The following RAB11FIP3 variants were observed in gnomAD, a reference collection of about 807,000 sequenced individuals.
RAB11FIP3 encodes RAB11 family interacting protein 3, also known as rab11 family-interacting protein 3.
A neutral mutation model predicts 77.8 loss-of-function variants in RAB11FIP3; 17 were observed. The observed-to-expected ratio is 0.22, with a 90% confidence interval of 0.15 to 0.33. RAB11FIP3 has a LOEUF of 0.33. Among genes scored for constraint, RAB11FIP3 ranks in the 10% least tolerant of loss-of-function variants. The pLI, the probability that RAB11FIP3 is intolerant of heterozygous loss-of-function variation, is 1.00. For missense variants in RAB11FIP3, 1,005 were observed against 1,011.2 expected, an observed-to-expected ratio of 0.99 and a Z score of 0.08; for synonymous variants, 437 against 448.2, an observed-to-expected ratio of 0.98 and a Z score of 0.31.
chr16:467,455 G>C (rs2055722470), intron 2 of RAB11FIP3, among the ~76,000 whole-genome samples: 1 of 151,000 alleles, frequency 6.6e-6, no homozygotes, highest in Non-Finnish European at 1.5e-5. Context: ...AGGAGGTGCA[G>C]GGGCCTCAGG....
At chr16:434,437 AT>A (rs1227780047) in intron 1 of RAB11FIP3, among the ~76,000 whole-genome samples, 6 of 148,782 alleles carry the variant, frequency 4.0e-5, no homozygotes, top group Non-Finnish European at 8.9e-5. Context: ...TGTATACTTT[AT>A]TTTTTTGATA....
At chr16:477,762 A>C in intron 3 of RAB11FIP3, 1 of 754,070 alleles carries the variant, frequency 1.3e-6, no homozygotes, top group Non-Finnish European at 1.6e-6. Context: ...ACTTCCTTAG[A>C]TTGTAGGGGA....
intron 1 of RAB11FIP3, among the ~76,000 whole-genome samples, chr16:458,026 C>T (rs1042106583): frequency 3.9e-5 from 6 of 152,234 alleles, no homozygotes; most frequent in African/African-American, 7.2e-5. Flanking sequence ...AGGATTGGGG[C>T]GATGGCCCCG....
intron 1 of RAB11FIP3, among the ~76,000 whole-genome samples, chr16:451,878 G>T (rs192153635): frequency 6.6e-6 from 1 of 152,074 alleles, no homozygotes; most frequent in East Asian, 1.9e-4. Flanking sequence ...GCCGGGGCTC[G>T]GTGGCTCATG....
At position 471,516 on chromosome 16, in the gene RAB11FIP3, G is replaced by A. The variant is rs1314230369; in HGVS notation, c.903+127G>A. ...AGCTGGCGTGAAGGAAGGGCCTCCC[G>A]CCCTGTGTGCACCGTGGGGCTCTGT... On this transcript the variant is annotated intron_variant, in intron 3 of 13. Transcript: ENST00000262305. The surrounding 1 kb of genome is among the most constrained non-coding windows in gnomAD (Gnocchi z 4.4). 1.0e-5 allele frequency: 8 copies of A among 781,366 alleles called. No individual in the cohort carries two copies. Among genetic ancestry groups the A allele is most frequent in the African/African-American group, 3.4e-5 (2 of 58,582 alleles). The allele number at this position is 781,366 out of a possible 1,614,324, so 48.4% of individuals were successfully genotyped here.
At position 461,380 on chromosome 16, in the gene RAB11FIP3, C is replaced by G. The variant is rs2055602486; in HGVS notation, c.715-24C>G. 6.2e-7 allele frequency: 1 copy of G among 1,603,380 alleles called. No individual in the cohort carries two copies. On this transcript the variant is annotated intron_variant, in intron 1 of 13. Transcript: ENST00000262305. This position sits in a 1 kb window ranked among gnomAD's most constrained non-coding sequence, Gnocchi z 4.5. ...CCCCTGCTGTAAAGGCTTAGGGTAA[C>G]CTAGTCTCATTTGGCAATTACAGGT...
chr16:438,842 A>G (rs970172234), intron 1 of RAB11FIP3, among the ~76,000 whole-genome samples: 8 of 152,126 alleles, frequency 5.3e-5, no homozygotes, highest in African/African-American at 1.9e-4. Flanking sequence ...GGCACGCGCC[A>G]CCACGCCCAG....
At chr16:493,055 A>C (rs1257281833) in intron 5 of RAB11FIP3, among the ~76,000 whole-genome samples, 1 of 152,144 alleles carries the variant, frequency 6.6e-6, no homozygotes, top group Non-Finnish European at 1.5e-5. Context: ...GTTTGAGACC[A>C]GCCTGGCCAA....
rs1046555973 is a variant in RAB11FIP3, at chr16:445,127, A to G, written c.715-16277A>G. ...AGACTCTGTCTCAAAAAAAAAAAAAAAAAAGAAAAAAAGATTGGGTTCAGG... is the reference window on the plus strand; with the variant it reads ...AGACTCTGTCTCAAAAAAAAAAAAAGAAAAGAAAAAAAGATTGGGTTCAGG... On this transcript the variant is annotated intron_variant, in intron 1 of 13. Transcript: ENST00000262305. Among the ~76,000 whole-genome samples, 2 of 145,210 alleles carry G rather than the reference A, an allele frequency of 1.4e-5. 1 individual carries two copies. The highest frequency in any genetic ancestry group is 5.1e-5 in the African/African-American group (2 of 38,870).
chr16:429,827 A>T (rs1302825960), intron 1 of RAB11FIP3, among the ~76,000 whole-genome samples: 1 of 152,114 alleles, frequency 6.6e-6, no homozygotes, highest in Admixed American at 6.6e-5. Flanking sequence ...AAATTTTCAG[A>T]GGTAGCATAT....
chr16:509,989 AAT>A (rs1431259244), intron 8 of RAB11FIP3, among the ~76,000 whole-genome samples: 1 of 152,178 alleles, frequency 6.6e-6, no homozygotes, highest in African/African-American at 2.4e-5. Context: ...ACTTCCTGGA[AAT>A]GCTGTGGCCC....
chr16:466,150 C>G (rs969406470), intron 2 of RAB11FIP3, among the ~76,000 whole-genome samples: 1 of 152,156 alleles, frequency 6.6e-6, no homozygotes, highest in South Asian at 2.1e-4. Flanking sequence ...GCTGGCAGAG[C>G]GTGTTCCTGG....
intron 1 of RAB11FIP3, among the ~76,000 whole-genome samples, chr16:440,693 TG>T (rs1436414391): frequency 6.6e-6 from 1 of 152,246 alleles, no homozygotes; most frequent in Non-Finnish European, 1.5e-5. Context: ...TTATCCCTTA[TG>T]GGAAGGAAGA....
chr16:434,098 A>C (rs1421029009), intron 1 of RAB11FIP3, among the ~76,000 whole-genome samples: 1 of 152,120 alleles, frequency 6.6e-6, no homozygotes, highest in Non-Finnish European at 1.5e-5. Flanking sequence ...GGTCTCTGAT[A>C]TCAGATGTAT....
At position 510,466 on chromosome 16, in the gene RAB11FIP3, G is replaced by A. The variant is rs1010289773; in HGVS notation, c.1500-194G>A. ...CGGCCACCCCAGGTGCCTTTAGTGT[G>A]GGAGGCGAGGCCATCTGGGGGTGTA... is the stretch of plus-strand genomic sequence containing the variant. On this transcript the variant is annotated intron_variant, in intron 8 of 13. Coordinates refer to ENST00000262305, the MANE Select transcript of RAB11FIP3 (RefSeq NM_014700.4). The A allele has an allele frequency of 6.9e-5, 42 of 611,186 alleles. No homozygotes were observed. The Admixed American group carries it at 8.4e-4, about 12-fold the overall frequency. The allele number at this position is 611,186 out of a possible 1,614,324, so 37.9% of individuals were successfully genotyped here.
chr16:476,005 G>A (rs1211600455), intron 3 of RAB11FIP3, among the ~76,000 whole-genome samples: 2 of 152,114 alleles, frequency 1.3e-5, no homozygotes, highest in East Asian at 1.9e-4. Context: ...ACAGGCGCCC[G>A]CCACCACACC....
intron 3 of RAB11FIP3, among the ~76,000 whole-genome samples, chr16:477,986 G>A (rs994932563): frequency 1.8e-4 from 27 of 152,106 alleles, no homozygotes; most frequent in Admixed American, 5.2e-4. Flanking sequence ...CCCCGTTTGC[G>A]GCAGGGCTCC....
chr16:454,786 C>G (rs532428598), intron 1 of RAB11FIP3, among the ~76,000 whole-genome samples: 1 of 152,246 alleles, frequency 6.6e-6, no homozygotes, highest in South Asian at 2.1e-4. Flanking sequence ...GTGGCTCACA[C>G]CTGTAATCCC....
At chr16:494,350 C>T (rs773019143) in intron 5 of RAB11FIP3, among the ~76,000 whole-genome samples, 9 of 151,602 alleles carry the variant, frequency 5.9e-5, no homozygotes, top group African/African-American at 1.5e-4. Flanking sequence ...AGGCTGGGTG[C>T]GGTGGCTCAT....
Sources: gnomAD v4.1 joint callset for allele counts (sites outside exome capture counted in the v4.1 genomes callset) on GRCh38, gnomAD v4.1.1 for gene constraint, Gnocchi (gnomAD v3.1) non-coding constraint, MANE v1.5 for transcripts, NCBI Gene and HGNC (gene_info 2026-07-23, HGNC 2026-07-21) for gene names.